PYGO1: variants seen among roughly 807,000 people sequenced by gnomAD.
The protein encoded by PYGO1 is pygopus homolog 1.
A neutral mutation model predicts 29.5 loss-of-function variants in PYGO1; 6 were observed. That is an observed-to-expected ratio of 0.20 (90% CI 0.11 to 0.40). The LOEUF (loss-of-function observed/expected upper bound fraction) is 0.40, where lower values mean the gene tolerates loss of function less well. PYGO1 is among the 10% of genes least tolerant of loss of function. The pLI is 1.00. For missense variants in PYGO1, 515 were observed against 514.9 expected (o/e 1.00, Z 0.00); for synonymous variants, 186 against 180.5 (o/e 1.03, Z -0.24).
chr15:55,555,775 C>T (rs886761239), intron 1 of PYGO1, among the ~76,000 whole-genome samples: 11 of 151,616 alleles, frequency 7.3e-5, no homozygotes, highest in Admixed American at 3.9e-4. Flanking sequence ...ATGCTGTCTC[C>T]GAAAGACACA....
chr15:55,565,674 C>A (rs1340909719), intron 1 of PYGO1, among the ~76,000 whole-genome samples: 1 of 152,112 alleles, frequency 6.6e-6, no homozygotes, highest in Non-Finnish European at 1.5e-5. Context: ...AAGATCGCAC[C>A]ACTGCGCCCC....
At chr15:55,549,590 C>T (rs7164878) in intron 1 of PYGO1, among the ~76,000 whole-genome samples, 44,182 of 151,892 alleles carry the variant, frequency 0.29, 6,629 homozygotes, top group Middle Eastern at 0.39. Flanking sequence ...TGTATAAATG[C>T]CTTTAGAGAG....
Position 55,578,065 on chromosome 15 carries a change from A to G in PYGO1, c.49+9770T>C, listed in dbSNP as rs138359492. On this transcript the variant is annotated intron_variant, in intron 1 of 2. Transcript: ENST00000563719. Reference sequence around the variant, plus strand: ...CTTCTATTTATAATATGCCTATTCCAGACATTTCACATAAATGGAATCATA... The same window carrying G: ...CTTCTATTTATAATATGCCTATTCCGGACATTTCACATAAATGGAATCATA... Among the ~76,000 whole-genome samples the G allele has an allele frequency of 1.2e-3, 178 of 152,306 alleles. 1 individual carries two copies. The highest frequency in any genetic ancestry group is 2.3e-3 in the South Asian group (11 of 4,826).
intron 1 of PYGO1, among the ~76,000 whole-genome samples, chr15:55,561,602 C>T (rs1438090557): frequency 6.6e-6 from 1 of 152,186 alleles, no homozygotes; most frequent in Non-Finnish European, 1.5e-5. Context: ...CGCTTCCCAC[C>T]AGATTCCTCC....
In PYGO1 at chr15:55,546,266, T is replaced by C. The variant is rs1230716057; in HGVS notation, c.1017A>G (p.Pro339=). ...PNRHGHSSSD[P]VYPCGICTNE... The stretch of plus-strand genomic sequence containing the variant: ...TTGTACAAATTCCACAAGGATACAC[T>C]GGGTCAGAAGACGAATGGCCATGAC... The change falls in exon 3 of 3, where the codon CCA becomes CCG. Residue 339 remains proline, a synonymous_variant. Transcript: ENST00000563719. The C allele has an allele frequency of 1.9e-6, 3 of 1,614,080 alleles. No homozygotes were observed. In the African/African-American group the frequency reaches 4.0e-5, roughly 22 times the overall value.
At chr15:55,588,734 C>T, upstream of PYGO1, 4 of 1,538,852 alleles carry the variant, frequency 2.6e-6, no homozygotes, top group Admixed American at 1.7e-5. Context: ...AGGGCATCTC[C>T]GAACTTCGTC....
intron 1 of PYGO1, among the ~76,000 whole-genome samples, chr15:55,574,028 G>A (rs753742084): frequency 6.6e-6 from 1 of 152,130 alleles, no homozygotes. Flanking sequence ...GCTTTTTCTG[G>A]TAACGTCATG....
intron 1 of PYGO1, among the ~76,000 whole-genome samples, chr15:55,577,438 G>A (rs2059007771): frequency 6.6e-6 from 1 of 152,010 alleles, no homozygotes; most frequent in African/African-American, 2.4e-5. Flanking sequence ...GCTTAACCTT[G>A]GCAAAATAAA....
Position 55,545,954 on chromosome 15 carries a change from T to A in PYGO1, c.*69A>T. The A allele has an allele frequency of 7.0e-7, 1 of 1,438,478 alleles. No homozygotes were observed. Among genetic ancestry groups the A allele is most frequent in the Non-Finnish European group, 9.4e-7 (1 of 1,066,114 alleles). 89.1% of individuals were successfully genotyped at this position (1,438,478 alleles called of 1,614,324 possible). On this transcript the variant is annotated 3_prime_UTR_variant, in exon 3 of 3. Coordinates refer to ENST00000563719, the MANE Select transcript of PYGO1 (RefSeq NM_001367806.1). ...GCATTTAAAAAAATAATGTAAAACA[T>A]TAAAATCCTGTGTCAATGAACTTCT...
intron 1 of PYGO1, 61 bp downstream of exon 1, chr15:55,587,774 C>T (rs1196184995): frequency 1.4e-6 from 2 of 1,451,938 alleles, no homozygotes; most frequent in African/African-American, 2.9e-5. Flanking sequence ...GGCGGCCGGG[C>T]ACGGGGCCCC....
Position 55,546,850 on chromosome 15 carries a change from C to T in PYGO1, c.433G>A (p.Ala145Thr). 6.2e-7 allele frequency: 1 copy of T among 1,613,990 alleles called. No individual in the cohort carries two copies. Among genetic ancestry groups the T allele is most frequent in the Non-Finnish European group, 8.5e-7 (1 of 1,179,988 alleles). Residue 145 changes from alanine (A) to threonine (T), a missense_variant, in exon 3 of 3, where the codon GCT becomes ACT. Transcript: ENST00000563719. ...PLGMGFNRPH[A>T]FNFGPHDNSS... ...TTATCATGTGGCCCAAAGTTAAAAG[C>T]ATGAGGTCGATTAAAACCCATGCCC...
At chr15:55,588,969 A>C, upstream of PYGO1, 1 of 889,288 alleles carries the variant, frequency 1.1e-6, no homozygotes, top group South Asian at 1.5e-5. Flanking sequence ...AGCGACGTAG[A>C]ATAAATACCA....
At chr15:55,561,933 A>C (rs1415973851) in intron 1 of PYGO1, among the ~76,000 whole-genome samples, 1 of 152,190 alleles carries the variant, frequency 6.6e-6, no homozygotes, top group Non-Finnish European at 1.5e-5. Context: ...AGAATAAGAG[A>C]AAATGTTTGC....
Position 55,588,141 on chromosome 15 carries a change from G to T in PYGO1, c.-258C>A, listed in dbSNP as rs1258478651. ...GGCGGTGGCCGGGAGCGCGGCCTGG[G>T]GGCGGCCCCCCACCCGGGGCCGGCA... On this transcript the variant is annotated 5_prime_UTR_variant, in exon 1 of 3. Coordinates refer to ENST00000563719, the MANE Select transcript of PYGO1 (RefSeq NM_001367806.1). The T allele has an allele frequency of 8.1e-6, 6 of 738,076 alleles. No individual in the cohort carries two copies. The highest frequency in any genetic ancestry group is 5.8e-5 in the African/African-American group (3 of 51,998). The allele number at this position is 738,076 out of a possible 1,614,324, so 45.7% of individuals were successfully genotyped here. A position where few individuals can be genotyped will look rare whatever the true frequency, so the allele number is the denominator to read the frequency against.
At chr15:55,554,260 C>T (rs1199183623) in intron 1 of PYGO1, among the ~76,000 whole-genome samples, 2 of 151,836 alleles carry the variant, frequency 1.3e-5, no homozygotes, top group Non-Finnish European at 2.9e-5. Context: ...GTCAGGAGAT[C>T]GAGACCATCC....
rs1303371179 is a variant in PYGO1, at chr15:55,576,772, G to A, written c.49+11063C>T. 2.2e-3 allele frequency among the ~76,000 whole-genome samples: 51 copies of A among 23,112 alleles called. 2 individuals are homozygous for A. Among genetic ancestry groups the A allele is most frequent in the Middle Eastern group, 0.023 (1 of 44 alleles). The allele number at this position is 23,112 out of a possible 152,430, so 15.2% of individuals were successfully genotyped here. Reference sequence around the variant, plus strand: ...CTGGGCGACAGATCAAAAAAAAGAAGTGGGGGAAAAGATTCTGTAAAGCAG... The same window carrying A: ...CTGGGCGACAGATCAAAAAAAAGAAATGGGGGAAAAGATTCTGTAAAGCAG... On this transcript the variant is annotated intron_variant, in intron 1 of 2. Transcript: ENST00000563719.
At chr15:55,586,549 T>C (rs1302183669) in intron 1 of PYGO1, among the ~76,000 whole-genome samples, 2 of 152,248 alleles carry the variant, frequency 1.3e-5, no homozygotes, top group Non-Finnish European at 2.9e-5. Context: ...TTTTCAAGAA[T>C]CAAATAATTC....
chr15:55,562,149 C>T (rs1052293439), intron 1 of PYGO1, among the ~76,000 whole-genome samples: 1 of 152,186 alleles, frequency 6.6e-6, no homozygotes, highest in Non-Finnish European at 1.5e-5. Flanking sequence ...GATACCATCT[C>T]ACATCAGTCA....
Position 55,544,890 on chromosome 15 carries a change from A to G in PYGO1, c.*1133T>C, listed in dbSNP as rs11071189. ...CTGTCTCCATTCTTGATCATCCCTC[A>G]AGAGGGTACTCTCAGGTCCATTTTT... On this transcript the variant is annotated 3_prime_UTR_variant, in exon 3 of 3. Coordinates refer to ENST00000563719, the MANE Select transcript of PYGO1 (RefSeq NM_001367806.1). 0.38 allele frequency: 57,905 copies of G among 151,872 alleles called. 14,202 individuals are homozygous for G. The highest frequency in any genetic ancestry group is 0.56 in the Non-Finnish European group (37,872 of 67,802). 9.4% of individuals were successfully genotyped at this position (151,872 alleles called of 1,614,324 possible). A position where few individuals can be genotyped will look rare whatever the true frequency, so the allele number is the denominator to read the frequency against.
Sources: gnomAD v4.1 joint callset for allele counts (sites outside exome capture counted in the v4.1 genomes callset) on GRCh38, gnomAD v4.1.1 for gene constraint, MANE v1.5 for transcripts, NCBI Gene and HGNC (gene_info 2026-07-23, HGNC 2026-07-21) for gene names.